The following RBFOX3 variants were observed in gnomAD, a reference collection of about 807,000 sequenced individuals.
RBFOX3 encodes the protein RNA binding protein fox-1 homolog 3.
A neutral mutation model predicts 48.7 loss-of-function variants in RBFOX3; 17 were observed. That is an observed-to-expected ratio of 0.35 (90% CI 0.24 to 0.52). RBFOX3 has a LOEUF of 0.52. RBFOX3 is among the 20% of genes least tolerant of loss of function. RBFOX3 has a pLI of 0.94. For missense variants in RBFOX3, 382 were observed against 497.5 expected (o/e 0.77, Z 2.21); for synonymous variants, 212 against 209.5 (o/e 1.01, Z -0.10).
At position 79,094,425 on chromosome 17, in the gene RBFOX3, G is replaced by A. The variant is rs2074713391; in HGVS notation, c.1077+26C>T. 2.7e-6 allele frequency: 4 copies of A among 1,487,342 alleles called. No homozygotes were observed. In the South Asian group the frequency reaches 5.1e-5, roughly 19 times the overall value. 92.1% of individuals were successfully genotyped at this position (1,487,342 alleles called of 1,614,324 possible). A position where few individuals can be genotyped will look rare whatever the true frequency, so the allele number is the denominator to read the frequency against. On this transcript the variant is annotated intron_variant, in intron 14 of 14. Transcript: ENST00000693108. The stretch of plus-strand genomic sequence containing the variant: ...GCCCAGCTGTTAGGACTGGCACCCA[G>A]GGCTGGGCGGGCCTGGGCTCCTTAC...
At chr17:79,314,851 AG>A (rs1316194503) in intron 2 of RBFOX3, among the ~76,000 whole-genome samples, 1 of 151,778 alleles carries the variant, frequency 6.6e-6, no homozygotes, top group African/African-American at 2.4e-5. Context: ...GGTGTAGGGG[AG>A]GGGAACGGGG....
intron 2 of RBFOX3, among the ~76,000 whole-genome samples, chr17:79,379,027 C>T (rs1294599486): frequency 6.6e-6 from 1 of 152,172 alleles, no homozygotes; most frequent in African/African-American, 2.4e-5. Context: ...CTGGCCATGC[C>T]TCCTGGGGAG....
At chr17:79,515,039 C>T (rs1346493947) in intron 1 of RBFOX3, among the ~76,000 whole-genome samples, 4 of 152,198 alleles carry the variant, frequency 2.6e-5, no homozygotes, top group Admixed American at 6.5e-5. Flanking sequence ...AACACACCTT[C>T]GGGTGTCCTG....
At position 79,443,671 on chromosome 17, in the gene RBFOX3, C is replaced by T. The variant is rs1555736366; in HGVS notation, c.-175+38783G>A. On this transcript the variant is annotated intron_variant, in intron 2 of 14. Transcript: ENST00000693108. This position sits in a 1 kb window ranked among gnomAD's most constrained non-coding sequence, Gnocchi z 4.4. ...GTGCTGGGATTACAGGCATGAGCCA[C>T]CGCACCCTCTTGTTCACTGTCTCAC... Among the ~76,000 whole-genome samples, 3 of 152,226 alleles carry T rather than the reference C, an allele frequency of 2.0e-5. No individual in the cohort carries two copies. The highest frequency in any genetic ancestry group is 7.2e-5 in the African/African-American group (3 of 41,454).
chr17:79,375,509 C>T (rs9910139), intron 2 of RBFOX3, among the ~76,000 whole-genome samples: 1 of 152,038 alleles, frequency 6.6e-6, no homozygotes, highest in Non-Finnish European at 1.5e-5. Flanking sequence ...AGCAGGGTGA[C>T]GTGCTGGGCT....
At chr17:79,161,681 C>T (rs959404551) in intron 4 of RBFOX3, among the ~76,000 whole-genome samples, 2 of 152,150 alleles carry the variant, frequency 1.3e-5, no homozygotes, top group Non-Finnish European at 2.9e-5. Flanking sequence ...CTGCAACCTC[C>T]GCCTCCCGGG....
intron 3 of RBFOX3, among the ~76,000 whole-genome samples, chr17:79,279,472 C>G (rs2144276526): frequency 1.3e-5 from 2 of 152,294 alleles, no homozygotes; most frequent in South Asian, 4.1e-4. Flanking sequence ...ACAGCATGGC[C>G]CGGCCCGGCA....
At chr17:79,190,429 A>AC (rs537772123) in intron 4 of RBFOX3, among the ~76,000 whole-genome samples, 4 of 59,566 alleles carry the variant, frequency 6.7e-5, no homozygotes, top group African/African-American at 1.6e-4. Context: ...AAAAAAAAAA[A>AC]AACAAAAAAA....
chr17:79,582,517 T>C (rs934999418), intron 1 of RBFOX3, among the ~76,000 whole-genome samples: 2 of 152,082 alleles, frequency 1.3e-5, no homozygotes, highest in East Asian at 3.9e-4. Flanking sequence ...CAAGATGCAA[T>C]TCCAACCGGG....
chr17:79,463,024 C>T (rs1411694513), intron 2 of RBFOX3, among the ~76,000 whole-genome samples: 1 of 125,462 alleles, frequency 8.0e-6, no homozygotes, highest in Non-Finnish European at 1.9e-5. Flanking sequence ...TTGCCACTGA[C>T]ACCTCCACCA....
chr17:79,617,577 A>G, the RBFOX3 span, among the ~76,000 whole-genome samples: 77 of 152,242 alleles, frequency 5.1e-4, no homozygotes, highest in African/African-American at 1.6e-3. Context: ...CCTCCACCAC[A>G]GCACCGTCTC....
intron 2 of RBFOX3, among the ~76,000 whole-genome samples, chr17:79,343,337 T>C (rs759239604): frequency 6.6e-6 from 1 of 152,012 alleles, no homozygotes; most frequent in Non-Finnish European, 1.5e-5. Flanking sequence ...ACCAACGTGA[T>C]GAAACCCCAT....
At chr17:79,389,011 C>T (rs538486103) in intron 2 of RBFOX3, among the ~76,000 whole-genome samples, 11 of 152,342 alleles carry the variant, frequency 7.2e-5, no homozygotes, top group East Asian at 1.9e-4. Flanking sequence ...CAGAGGGAGA[C>T]GTGGCCCCAC....
intron 1 of RBFOX3, among the ~76,000 whole-genome samples, chr17:79,585,862 G>A: frequency 6.6e-6 from 1 of 152,174 alleles, no homozygotes; most frequent in East Asian, 1.9e-4. Context: ...CGGGCAGTGA[G>A]CTGAGACTGG....
At chr17:79,221,981 G>T (rs890979612) in intron 4 of RBFOX3, among the ~76,000 whole-genome samples, 4 of 152,164 alleles carry the variant, frequency 2.6e-5, no homozygotes, top group Non-Finnish European at 5.9e-5. Flanking sequence ...GAATGAGACT[G>T]CCCAAAAACC....
intron 1 of RBFOX3, among the ~76,000 whole-genome samples, chr17:79,486,180 G>A (rs975327756): frequency 6.6e-6 from 1 of 152,218 alleles, no homozygotes; most frequent in South Asian, 2.1e-4. Context: ...GGCAGGGTTG[G>A]GAGCGTAGTT....
intron 4 of RBFOX3, among the ~76,000 whole-genome samples, chr17:79,139,217 C>A (rs1390691864): frequency 6.6e-6 from 1 of 152,116 alleles, no homozygotes; most frequent in Non-Finnish European, 1.5e-5. Flanking sequence ...ACCTAAGGCA[C>A]CCTCCCCACA....
At chr17:79,258,586 G>A (rs1339387234) in intron 3 of RBFOX3, among the ~76,000 whole-genome samples, 1 of 152,198 alleles carries the variant, frequency 6.6e-6, no homozygotes, top group Admixed American at 6.5e-5. Flanking sequence ...GTCAGATCCT[G>A]GGCAGACTAA....
Position 79,286,269 on chromosome 17 carries a change from TAGAG to T in RBFOX3, c.-74+21451_-74+21454del, listed in dbSNP as rs890337296. ...GAACTTTCTAGGACTTTCTGCCCCT[TAGAG>T]AGCCTGGTAATTCCTGGCTTCTCAC... On this transcript the variant is annotated intron_variant, in intron 3 of 14. Coordinates refer to ENST00000693108, the MANE Select transcript of RBFOX3 (RefSeq NM_001350451.2). Among the ~76,000 whole-genome samples, 434 of 152,296 alleles carry T rather than the reference TAGAG, an allele frequency of 2.8e-3. 2 individuals are homozygous for T. The highest frequency in any genetic ancestry group is 1.0e-2 in the African/African-American group (415 of 41,554).
Sources: allele counts gnomAD v4.1 joint callset (sites outside exome capture counted in the v4.1 genomes callset), GRCh38; gene constraint gnomAD v4.1.1; non-coding constraint Gnocchi (gnomAD v3.1); transcripts MANE v1.5; gene names NCBI Gene and HGNC (gene_info 2026-07-23, HGNC 2026-07-21).